CNTN4: variants seen among roughly 807,000 people sequenced by gnomAD.
CNTN4 encodes the protein contactin-4.
In CNTN4, 77 loss-of-function variants were observed where a neutral mutation model predicts 122.5. The ratio of observed to expected loss-of-function variants is 0.63; its 90% confidence interval spans 0.52 to 0.76. CNTN4 has a LOEUF of 0.76. Among genes scored for constraint, CNTN4 ranks in the 30% least tolerant of loss-of-function variants. CNTN4 has a pLI of 0.00. For synonymous variants in CNTN4, 512 were observed against 447.0 expected (o/e 1.15, Z -1.83); for missense variants, 1,256 against 1,259.1 (o/e 1.00, Z 0.04).
intron 4 of CNTN4, among the ~76,000 whole-genome samples, chr3:2,647,081 A>C (rs2083158169): frequency 6.6e-6 from 1 of 152,112 alleles, no homozygotes; most frequent in African/African-American, 2.4e-5. Context: ...CTGTGTACTT[A>C]AGGTATTTAA....
At chr3:2,460,467 C>G (rs1359831731) in intron 3 of CNTN4, among the ~76,000 whole-genome samples, 1 of 152,122 alleles carries the variant, frequency 6.6e-6, no homozygotes, top group Non-Finnish European at 1.5e-5. Context: ...TGGAACTTTG[C>G]CATGACTGCT....
intron 2 of CNTN4, among the ~76,000 whole-genome samples, chr3:2,302,729 G>C (rs1293139844): frequency 6.6e-6 from 1 of 152,144 alleles, no homozygotes; most frequent in Non-Finnish European, 1.5e-5. Flanking sequence ...GCCCACTTTA[G>C]ATGCTAAGGT....
At chr3:2,152,175 G>T (rs919468591) in intron 2 of CNTN4, among the ~76,000 whole-genome samples, 5 of 152,122 alleles carry the variant, frequency 3.3e-5, no homozygotes, top group Non-Finnish European at 7.3e-5. Flanking sequence ...GTGGGAGAAG[G>T]AATTACCAGG....
chr3:2,488,182 T>A (rs1411255798), intron 3 of CNTN4, among the ~76,000 whole-genome samples: 1 of 152,236 alleles, frequency 6.6e-6, no homozygotes, highest in African/African-American at 2.4e-5. Flanking sequence ...GATGTTTAGA[T>A]GCAGAGGTTT....
intron 3 of CNTN4, among the ~76,000 whole-genome samples, chr3:2,490,560 A>G (rs1012693844): frequency 2.0e-5 from 3 of 152,178 alleles, no homozygotes; most frequent in African/African-American, 2.4e-5. Flanking sequence ...GGAAATGCCT[A>G]TTTTATCCTC....
At position 2,866,942 on chromosome 3, in the gene CNTN4, A is replaced by G. The variant is rs752814497; in HGVS notation, c.645A>G (p.Arg215=). 1.2e-6 allele frequency: 2 copies of G among 1,613,498 alleles called. No individual in the cohort carries two copies. The highest frequency in any genetic ancestry group is 1.7e-6 in the Non-Finnish European group (2 of 1,179,496). ...VLGPPTPLIL[R]NDGVMGEYEP... ...GGCCACCTACACCACTAATATTGAG[A>G]AATGATGGTGAGTTTTCAAGTAATT... The change falls in exon 8 of 25, where the codon AGA becomes AGG. Residue 215 remains arginine (R), a synonymous_variant. Transcript: ENST00000418658.
chr3:2,981,597 C>T (rs903832800), intron 13 of CNTN4, among the ~76,000 whole-genome samples: 1 of 151,790 alleles, frequency 6.6e-6, no homozygotes, highest in South Asian at 2.1e-4. Context: ...GTGGAAAAAC[C>T]GTTTTTCTAA....
At chr3:2,393,342 G>C (rs1027576944) in intron 3 of CNTN4, among the ~76,000 whole-genome samples, 2 of 152,076 alleles carry the variant, frequency 1.3e-5, no homozygotes, top group African/African-American at 4.8e-5. Flanking sequence ...TGAAGATTTA[G>C]GATTTCATCA....
chr3:2,818,318 AC>A (rs1478673186), intron 6 of CNTN4, among the ~76,000 whole-genome samples: 1 of 152,228 alleles, frequency 6.6e-6, no homozygotes, highest in Non-Finnish European at 1.5e-5. Context: ...ACTCCTTGAA[AC>A]TAAGCCTGAG....
chr3:2,610,922 G>T (rs778997294), intron 4 of CNTN4, among the ~76,000 whole-genome samples: 20 of 152,000 alleles, frequency 1.3e-4, no homozygotes, highest in Non-Finnish European at 2.5e-4. Context: ...CCTAAAATGG[G>T]TACTTAAATT....
At chr3:2,731,930 C>T (rs2088715352) in intron 4 of CNTN4, among the ~76,000 whole-genome samples, 1 of 152,144 alleles carries the variant, frequency 6.6e-6, no homozygotes, top group Non-Finnish European at 1.5e-5. Context: ...GGTGGTGTCT[C>T]ACAATTAGCT....
chr3:2,352,215 G>A (rs62244045), intron 3 of CNTN4, among the ~76,000 whole-genome samples: 19,075 of 152,184 alleles, frequency 0.13, 1,522 homozygotes, highest in Non-Finnish European at 0.18. Flanking sequence ...ACCGTGAAAC[G>A]CCGTTGAGAG....
chr3:2,580,111 G>A (rs970533385), intron 4 of CNTN4, among the ~76,000 whole-genome samples: 2 of 152,018 alleles, frequency 1.3e-5, no homozygotes, highest in African/African-American at 2.4e-5. Context: ...CACTCAGGAA[G>A]GTCTGTCTTA....
At chr3:2,537,497 G>C (rs1414371021) in intron 3 of CNTN4, among the ~76,000 whole-genome samples, 1 of 152,058 alleles carries the variant, frequency 6.6e-6, no homozygotes, top group Non-Finnish European at 1.5e-5. Flanking sequence ...CCTGCATCTT[G>C]CCTCATATGT....
At chr3:2,340,281 A>G (rs2044133349) in intron 3 of CNTN4, among the ~76,000 whole-genome samples, 1 of 152,168 alleles carries the variant, frequency 6.6e-6, no homozygotes, top group African/African-American at 2.4e-5. Flanking sequence ...AAATAATCAT[A>G]ACATGGAGTG....
intron 2 of CNTN4, among the ~76,000 whole-genome samples, chr3:2,202,119 T>C (rs2038125406): frequency 6.6e-6 from 1 of 152,156 alleles, no homozygotes; most frequent in South Asian, 2.1e-4. Flanking sequence ...GAAGGAATTA[T>C]GACACCCCCT....
Position 2,314,618 on chromosome 3 carries a change from G to A in CNTN4, c.-144-24560G>A, listed in dbSNP as rs896119636. ...ATTACAACAGAATCCAAACAAACAA[G>A]GTAACTATATGATTTGGGGATAAGG... On this transcript the variant is annotated intron_variant, in intron 2 of 24. Transcript: ENST00000418658. Among the ~76,000 whole-genome samples the A allele has an allele frequency of 5.3e-5, 8 of 151,570 alleles. No individual in the cohort carries two copies. The South Asian group carries it at 8.3e-4, about 16-fold the overall frequency.
chr3:2,652,324 A>C (rs2083399474), intron 4 of CNTN4, among the ~76,000 whole-genome samples: 1 of 152,216 alleles, frequency 6.6e-6, no homozygotes, highest in African/African-American at 2.4e-5. Flanking sequence ...ATACTTAGAA[A>C]GTGCCTAAAT....
chr3:2,177,875 G>A (rs895206135), intron 2 of CNTN4, among the ~76,000 whole-genome samples: 2 of 152,020 alleles, frequency 1.3e-5, no homozygotes, highest in African/African-American at 2.4e-5. Flanking sequence ...GGGCCCCAGA[G>A]CCTAGCCAAG....
Sources: allele counts gnomAD v4.1 joint callset (sites outside exome capture counted in the v4.1 genomes callset), GRCh38; gene constraint gnomAD v4.1.1; transcripts MANE v1.5; gene names NCBI Gene and HGNC (gene_info 2026-07-23, HGNC 2026-07-21).